Variants in PROZ observed in about 807,000 individuals in gnomAD.
The protein encoded by PROZ is protein Z, vitamin K dependent plasma glycoprotein, also known as vitamin K-dependent protein Z.
PROZ carries 46 observed loss-of-function variants against 34.9 expected under a neutral mutation model. The observed-to-expected ratio is 1.32, with a 90% CI of 1.04 to 1.69. The LOEUF (loss-of-function observed/expected upper bound fraction) is 1.69, where lower values mean the gene tolerates loss of function less well. PROZ is among the 40% of genes most tolerant of loss of function. The pLI is 0.00. For synonymous variants in PROZ, 195 were observed against 208.5 expected, an observed-to-expected ratio of 0.94 and a Z score of 0.56; for missense variants, 530 against 520.4, an observed-to-expected ratio of 1.02 and a Z score of -0.18.
chr13:113,158,717 T>C lies in PROZ; in HGVS notation c.57T>C (p.Arg19=). 1 of 1,605,340 alleles carries C rather than the reference T, an allele frequency of 6.2e-7. No homozygotes were observed. The highest frequency in any genetic ancestry group is 8.5e-7 in the Non-Finnish European group (1 of 1,176,452). ...TGGTCCTGGTCCTCGCCCTCCATCGTGTGGAGCCCTCAGGTAGGCATCTGG... is the reference window on the plus strand; with the variant it reads ...TGGTCCTGGTCCTCGCCCTCCATCGCGTGGAGCCCTCAGGTAGGCATCTGG... ...QGLVLVLALH[R]VEPSVFLPAS... The change falls in exon 1 of 8, where the codon CGT becomes CGC. Residue 19 remains arginine, a synonymous_variant. Transcript: ENST00000375547. This position sits in a 1 kb window ranked among gnomAD's most constrained non-coding sequence, Gnocchi z 4.3.
In PROZ at chr13:113,159,462, TC is replaced by T. The variant is rs1336635255; in HGVS notation, c.71-549del. On this transcript the variant is annotated intron_variant, in intron 1 of 7. Coordinates refer to ENST00000375547, the MANE Select transcript of PROZ (RefSeq NM_003891.3). The surrounding 1 kb of genome is among the most constrained non-coding windows in gnomAD (Gnocchi z 4.6). ...ATGGGAAGGGCCTGGGCTTTGACCC[TC>T]CCGGAGAGGGAGAGAACATGCTTTG... Among the ~76,000 whole-genome samples, 1 of 151,076 alleles carries T rather than the reference TC, an allele frequency of 6.6e-6. No homozygotes were observed. The highest frequency in any genetic ancestry group is 2.4e-5 in the African/African-American group (1 of 40,998).
chr13:113,170,664 GAT>G (rs1446331193), intron 7 of PROZ, 134 bp downstream of exon 7: 8 of 666,980 alleles, frequency 1.2e-5, no homozygotes, highest in Non-Finnish European at 2.1e-5. Flanking sequence ...ATAAAACTGA[GAT>G]ACTTATCAAC....
rs547917305 is a variant in PROZ at position 113,159,184 on chromosome 13, C to T, written c.70+454C>T. Reference sequence around the variant, plus strand: ...GAGCAGCCACCCTGCCTGCCTGCCACCCTTCTACCACCAGCCACTTCACTG... The same window carrying T: ...GAGCAGCCACCCTGCCTGCCTGCCATCCTTCTACCACCAGCCACTTCACTG... On this transcript the variant is annotated intron_variant, in intron 1 of 7. Transcript: ENST00000375547. The surrounding 1 kb of genome is among the most constrained non-coding windows in gnomAD (Gnocchi z 4.6). 1.5e-5 allele frequency: 22 copies of T among 1,514,324 alleles called. No homozygotes were observed. In the Admixed American group the frequency reaches 4.3e-4, roughly 30 times the overall value. 93.8% of individuals were successfully genotyped at this position (1,514,324 alleles called of 1,614,324 possible). A position where few individuals can be genotyped will look rare whatever the true frequency, so the allele number is the denominator to read the frequency against.
intron 4 of PROZ, among the ~76,000 whole-genome samples, 185 bp downstream of exon 4, chr13:113,163,307 G>A (rs1392334148): frequency 4.0e-5 from 6 of 149,554 alleles, no homozygotes; most frequent in Non-Finnish European, 8.8e-5. Context: ...AAACCACGCC[G>A]GGGGCTGGCT....
At chr13:113,164,888 C>T (rs1212504941) in intron 5 of PROZ, 165 bp from the exon 6 acceptor site, 3 of 946,988 alleles carry the variant, frequency 3.2e-6, no homozygotes, top group Non-Finnish European at 4.9e-6. Flanking sequence ...GGTTTAACTC[C>T]AGTCTGTGTG....
In PROZ at chr13:113,163,022, C is replaced by T. The variant is rs2036791681; in HGVS notation, c.273C>T (p.Cys91=). 3.9e-6 allele frequency: 6 copies of T among 1,556,574 alleles called. No individual in the cohort carries two copies. The highest frequency in any genetic ancestry group is 2.4e-5 in the South Asian group (2 of 84,420). ...FWRRYKGGSP[C]ISQPCLHNGS... ...CTCCTCCTGCAGGCGGCTCCCCGTG[C>T]ATCTCCCAGCCCTGCCTCCACAACG... Residue 91 remains cysteine, a synonymous_variant, in exon 4 of 8, where the codon TGC becomes TGT. Coordinates refer to ENST00000375547, the MANE Select transcript of PROZ (RefSeq NM_003891.3).
At chr13:113,163,241 C>A in intron 4 of PROZ, 119 bp downstream of exon 4, 2 of 875,158 alleles carry the variant, frequency 2.3e-6, no homozygotes, top group Non-Finnish European at 3.7e-6. Flanking sequence ...CCTGTGTGAA[C>A]CGCGATTTGG....
rs1487369608 is a variant in PROZ, at chr13:113,159,176, G to A, written c.70+446G>A. 4 of 1,495,998 alleles carry A rather than the reference G, an allele frequency of 2.7e-6. No individual in the cohort carries two copies. Among genetic ancestry groups the A allele is most frequent in the Non-Finnish European group, 3.6e-6 (4 of 1,097,226 alleles). The allele number at this position is 1,495,998 out of a possible 1,614,324, so 92.7% of individuals were successfully genotyped here. On this transcript the variant is annotated intron_variant, in intron 1 of 7. Coordinates refer to ENST00000375547, the MANE Select transcript of PROZ (RefSeq NM_003891.3). The surrounding 1 kb of genome is among the most constrained non-coding windows in gnomAD (Gnocchi z 4.6). ...TAGCCAGGGAGCAGCCACCCTGCCT[G>A]CCTGCCACCCTTCTACCACCAGCCA...
rs367569510 is a variant in PROZ at position 113,165,130 on chromosome 13, C to T, written c.573+10C>T. ...GGACCTCCCGTGGCAGGTAACAGAGCGCTCTCCGCGTGCTTCAATTTATTG... is the reference window on the plus strand; with the variant it reads ...GGACCTCCCGTGGCAGGTAACAGAGTGCTCTCCGCGTGCTTCAATTTATTG... On this transcript the variant is annotated intron_variant, in intron 6 of 7. Coordinates refer to ENST00000375547, the MANE Select transcript of PROZ (RefSeq NM_003891.3). The T allele has an allele frequency of 2.1e-5, 34 of 1,608,492 alleles. No homozygotes were observed. In the East Asian group the frequency reaches 2.5e-4, roughly 12 times the overall value.
intron 6 of PROZ, among the ~76,000 whole-genome samples, chr13:113,166,883 G>T (rs1029256447): frequency 6.6e-6 from 1 of 152,116 alleles, no homozygotes; most frequent in East Asian, 1.9e-4. Flanking sequence ...TGCGGTTCTA[G>T]TCTGCAACCG....
At chr13:113,167,610 A>G (rs1315029714) in intron 6 of PROZ, among the ~76,000 whole-genome samples, 2 of 152,204 alleles carry the variant, frequency 1.3e-5, no homozygotes, top group African/African-American at 4.8e-5. Flanking sequence ...TAGTGTTAGC[A>G]TGACTTATCT....
intron 6 of PROZ, among the ~76,000 whole-genome samples, chr13:113,165,549 G>C (rs968620414): frequency 2.6e-5 from 4 of 151,744 alleles, no homozygotes; most frequent in African/African-American, 9.7e-5. Context: ...TGTTTTTTTT[G>C]AGATGGAGTC....
At position 113,171,854 on chromosome 13, in the gene PROZ, C is replaced by T. The variant is rs1444395815; in HGVS notation, c.952C>T (p.Pro318Ser). The T allele has an allele frequency of 2.5e-6, 4 of 1,613,550 alleles. No homozygotes were observed. In the East Asian group the frequency reaches 6.7e-5, roughly 27 times the overall value. Residue 318 changes from proline (P) to serine (S), a missense_variant, in exon 8 of 8, where the codon CCT (proline) becomes TCT (serine). By Grantham distance (74) the Pro-to-Ser change is moderately conservative. Coordinates refer to ENST00000375547, the MANE Select transcript of PROZ (RefSeq NM_003891.3). This position sits in a 1 kb window ranked among gnomAD's most constrained non-coding sequence, Gnocchi z 5.1. ...TDLGNSLTTR[P>S]VTLVEGEECG... is the part of the protein sequence containing the mutation. ...CCTGGGCAACTCGCTGACCACGCGGCCTGTCACACTTGTGGAGGGGGAGGA... is the reference window on the plus strand; with the variant it reads ...CCTGGGCAACTCGCTGACCACGCGGTCTGTCACACTTGTGGAGGGGGAGGA...
In PROZ at chr13:113,172,258, G is replaced by A. The variant is rs867213243; in HGVS notation, c.*153G>A. On this transcript the variant is annotated 3_prime_UTR_variant, in exon 8 of 8. Transcript: ENST00000375547. ...TGGCCCACGCAGCAGCAGAGCCGCC[G>A]TTTGCTGGGTTGTTTACCGAGCACT... 5.8e-6 allele frequency: 6 copies of A among 1,038,356 alleles called. No individual in the cohort carries two copies. Among genetic ancestry groups the A allele is most frequent in the South Asian group, 1.4e-5 (1 of 70,738 alleles). The allele number at this position is 1,038,356 out of a possible 1,614,324, so 64.3% of individuals were successfully genotyped here. A position where few individuals can be genotyped will look rare whatever the true frequency, so the allele number is the denominator to read the frequency against.
At chr13:113,170,611 A>C in intron 7 of PROZ, 81 bp downstream of exon 7, 1 of 904,354 alleles carries the variant, frequency 1.1e-6, no homozygotes, top group Non-Finnish European at 1.8e-6. Flanking sequence ...CAAATTTAAA[A>C]CTGGACTGTT....
chr13:113,167,688 T>A (rs1034474255), intron 6 of PROZ, among the ~76,000 whole-genome samples: 4 of 152,212 alleles, frequency 2.6e-5, no homozygotes, highest in African/African-American at 9.6e-5. Flanking sequence ...ATAAATAAGG[T>A]ACATGTTTTA....
Position 113,159,302 on chromosome 13 carries a change from G to T in PROZ, c.70+572G>T. On this transcript the variant is annotated intron_variant, in intron 1 of 7. Transcript: ENST00000375547. The surrounding 1 kb of genome is among the most constrained non-coding windows in gnomAD (Gnocchi z 4.6). ...ACCCAGCATCCCCGCTGGCCCCATG[G>T]TCTCCCGCTGGCCCCATGGTCTCCC... The T allele has an allele frequency of 6.6e-7, 1 of 1,509,024 alleles. No individual in the cohort carries two copies. Among genetic ancestry groups the T allele is most frequent in the South Asian group, 1.2e-5 (1 of 82,908 alleles). 93.5% of individuals were successfully genotyped at this position (1,509,024 alleles called of 1,614,324 possible). A position where few individuals can be genotyped will look rare whatever the true frequency, so the allele number is the denominator to read the frequency against.
At chr13:113,165,290 G>C in intron 6 of PROZ, 170 bp downstream of exon 6, 1 of 709,764 alleles carries the variant, frequency 1.4e-6, no homozygotes, top group South Asian at 1.5e-5. Flanking sequence ...TTCTAATGCC[G>C]AGTTCATAAC....
At chr13:113,164,486 A>G in intron 4 of PROZ, 27 bp from the exon 5 acceptor site, 1 of 1,535,578 alleles carries the variant, frequency 6.5e-7, no homozygotes, top group Non-Finnish European at 8.7e-7. Flanking sequence ...CCAAGCTAGC[A>G]TTTCCTTTTT....
Sources: gnomAD v4.1 joint callset for allele counts (sites outside exome capture counted in the v4.1 genomes callset) on GRCh38, gnomAD v4.1.1 for gene constraint, Gnocchi (gnomAD v3.1) non-coding constraint, MANE v1.5 for transcripts, NCBI Gene and HGNC (gene_info 2026-07-23, HGNC 2026-07-21) for gene names.